AKAP6: variants seen among roughly 807,000 people sequenced by gnomAD.
AKAP6 encodes A-kinase anchor protein 6.
In AKAP6, 58 loss-of-function variants were observed where a neutral mutation model predicts 188.5. The ratio of observed to expected loss-of-function variants is 0.31; its 90% confidence interval spans 0.25 to 0.38. The LOEUF is 0.38. AKAP6 is among the 10% of genes least tolerant of loss of function. The pLI is 1.00. For synonymous variants in AKAP6, 989 were observed against 998.6 expected, an observed-to-expected ratio of 0.99 and a Z score of 0.18; for missense variants, 2,710 against 2,740.0, an observed-to-expected ratio of 0.99 and a Z score of 0.24.
At position 32,732,546 on chromosome 14, in the gene AKAP6, A is replaced by G; in HGVS notation, c.3093A>G (p.Pro1031=). 3 of 1,613,662 alleles carry G rather than the reference A, an allele frequency of 1.9e-6. No individual in the cohort carries two copies. Among genetic ancestry groups the G allele is most frequent in the Non-Finnish European group, 2.5e-6 (3 of 1,179,722 alleles). Residue 1031 remains proline (P), a synonymous_variant, in exon 10 of 14, where the codon CCA becomes CCG. Transcript: ENST00000280979. The part of the protein sequence containing the change: ...EALKKGGVLL[P]NDLLEKVDSI... Reference sequence around the variant, plus strand: ...TGAAGAAAGGTGGCGTTTTACTACCAAATGATCTCCTTGAAAAAGTGGATT... The same window carrying G: ...TGAAGAAAGGTGGCGTTTTACTACCGAATGATCTCCTTGAAAAAGTGGATT...
At chr14:32,743,757 T>C (rs1485497970) in intron 11 of AKAP6, among the ~76,000 whole-genome samples, 1 of 152,212 alleles carries the variant, frequency 6.6e-6, no homozygotes, top group African/African-American at 2.4e-5. Context: ...GTTGTTGTAG[T>C]TATTATTTTT....
chr14:32,389,049 A>T (rs533495129), intron 1 of AKAP6, among the ~76,000 whole-genome samples: 6 of 151,976 alleles, frequency 3.9e-5, no homozygotes, highest in Non-Finnish European at 4.4e-5. Context: ...TTAGGTGTGT[A>T]TGTGTTTAGA....
chr14:32,738,165 A>G (rs1482922745), intron 11 of AKAP6, among the ~76,000 whole-genome samples: 3 of 152,130 alleles, frequency 2.0e-5, no homozygotes, highest in Non-Finnish European at 4.4e-5. Context: ...CCAGCTGGCA[A>G]AGGGTCCCTT....
chr14:32,773,440 A>C (rs1469567207), intron 11 of AKAP6, among the ~76,000 whole-genome samples: 1 of 152,158 alleles, frequency 6.6e-6, no homozygotes, highest in East Asian at 1.9e-4. Flanking sequence ...AGGACCCTAC[A>C]TTTCGGAGGG....
intron 5 of AKAP6, among the ~76,000 whole-genome samples, chr14:32,591,682 T>G (rs1307756044): frequency 1.3e-5 from 2 of 150,838 alleles, no homozygotes; most frequent in East Asian, 1.9e-4. Context: ...AAAACAAAGG[T>G]TTTATAATGC....
intron 7 of AKAP6, among the ~76,000 whole-genome samples, chr14:32,666,135 G>A (rs1481357259): frequency 6.6e-6 from 1 of 151,744 alleles, no homozygotes; most frequent in African/African-American, 2.4e-5. Context: ...AAAAGCAAAG[G>A]GTTTTGCTAA....
At chr14:32,465,759 G>C (rs960201905) in intron 2 of AKAP6, among the ~76,000 whole-genome samples, 7 of 152,174 alleles carry the variant, frequency 4.6e-5, no homozygotes, top group African/African-American at 1.7e-4. Flanking sequence ...AAGAGCTTCT[G>C]CACGCAAAAG....
chr14:32,695,848 T>C (rs1890380288), intron 8 of AKAP6, 142 bp from the exon 9 acceptor site: 14 of 1,044,168 alleles, frequency 1.3e-5, no homozygotes, highest in Non-Finnish European at 1.7e-5. Flanking sequence ...TTGCCCAGTG[T>C]GTAACAACAT....
rs2032975038 is a variant in AKAP6 at position 32,773,900 on chromosome 14, GA to G, written c.3588+8del. ...GAAGATGGGAAAGGAATCTGTGAGTGATGCTTTTTTTAAGCATAATTGTCTG... is the reference window on the plus strand; with the variant it reads ...GAAGATGGGAAAGGAATCTGTGAGTGTGCTTTTTTTAAGCATAATTGTCTG... On this transcript the variant is annotated splice_region_variant and intron_variant, in intron 12 of 13. Transcript: ENST00000280979. 1.2e-6 allele frequency: 2 copies of G among 1,612,562 alleles called. No homozygotes were observed. The highest frequency in any genetic ancestry group is 1.7e-6 in the Non-Finnish European group (2 of 1,178,870).
intron 1 of AKAP6, among the ~76,000 whole-genome samples, chr14:32,404,588 A>G (rs1378642005): frequency 1.3e-5 from 2 of 149,916 alleles, no homozygotes; most frequent in East Asian, 2.0e-4. Context: ...TGATCCTCAG[A>G]GCCTATGGAA....
At chr14:32,462,693 G>A (rs962256148) in intron 2 of AKAP6, among the ~76,000 whole-genome samples, 42 of 151,930 alleles carry the variant, frequency 2.8e-4, no homozygotes, top group Middle Eastern at 3.4e-3. Context: ...ACCAGCTAGC[G>A]TCATGATGAC....
intron 2 of AKAP6, among the ~76,000 whole-genome samples, chr14:32,498,291 TC>T (rs1454231737): frequency 2.0e-5 from 3 of 152,122 alleles, no homozygotes; most frequent in African/African-American, 7.2e-5. Context: ...TGGCTGAATA[TC>T]AGTCCTGAAT....
intron 9 of AKAP6, among the ~76,000 whole-genome samples, chr14:32,719,277 A>T (rs575467542): frequency 6.6e-6 from 1 of 152,216 alleles, no homozygotes; most frequent in African/African-American, 2.4e-5. Flanking sequence ...CTACCATCGC[A>T]TGGTAAATTC....
At chr14:32,625,666 T>G (rs1342944451) in intron 7 of AKAP6, among the ~76,000 whole-genome samples, 2 of 151,612 alleles carry the variant, frequency 1.3e-5, no homozygotes, top group Non-Finnish European at 2.9e-5. Context: ...AAAAAAACCC[T>G]TCTTACTCCA....
At chr14:32,500,797 G>A (rs58830834) in intron 2 of AKAP6, among the ~76,000 whole-genome samples, 3 of 152,186 alleles carry the variant, frequency 2.0e-5, no homozygotes, top group African/African-American at 7.2e-5. Context: ...CTACAGGTAT[G>A]ATGGTCATAG....
chr14:32,609,790 G>C (rs1243857033), intron 7 of AKAP6, among the ~76,000 whole-genome samples: 3 of 151,852 alleles, frequency 2.0e-5, no homozygotes, highest in Admixed American at 2.0e-4. Flanking sequence ...TGCCTCAGCT[G>C]TCTTTAGGGG....
intron 1 of AKAP6, among the ~76,000 whole-genome samples, chr14:32,379,932 C>G (rs1185118988): frequency 1.3e-5 from 2 of 152,224 alleles, no homozygotes; most frequent in Non-Finnish European, 2.9e-5. Flanking sequence ...TTCTACTCCT[C>G]TCTGTCTCTG....
chr14:32,583,399 A>C lies in AKAP6; in HGVS notation c.2469+6157A>C, dbSNP rs576095780. ...CCGTGTGAGGTGTCAGTCTGCCCCT[A>C]CTGGGGGGTGCCTCCCAGTTAGGCT... On this transcript the variant is annotated intron_variant, in intron 5 of 13. Coordinates refer to ENST00000280979, the MANE Select transcript of AKAP6 (RefSeq NM_004274.5). 4.4e-3 allele frequency among the ~76,000 whole-genome samples: 667 copies of C among 152,214 alleles called. 3 individuals carry two copies. Among genetic ancestry groups the C allele is most frequent in the African/African-American group, 0.015 (604 of 41,556 alleles).
chr14:32,400,822 C>A (rs746551066), intron 1 of AKAP6, among the ~76,000 whole-genome samples: 2 of 152,138 alleles, frequency 1.3e-5, no homozygotes, highest in East Asian at 3.9e-4. Flanking sequence ...GATTCTGATC[C>A]AGTAAGTCTG....
Sources: allele counts gnomAD v4.1 joint callset (sites outside exome capture counted in the v4.1 genomes callset), GRCh38; gene constraint gnomAD v4.1.1; transcripts MANE v1.5; gene names NCBI Gene and HGNC (gene_info 2026-07-23, HGNC 2026-07-21).